ZNF782: variants seen among roughly 807,000 people sequenced by gnomAD.
ZNF782 encodes the protein zinc finger protein 782.
ZNF782 carries 12 observed loss-of-function variants against 13.0 expected under a neutral mutation model. The ratio of observed to expected loss-of-function variants is 0.92; its 90% CI spans 0.59 to 1.50. The LOEUF (loss-of-function observed/expected upper bound fraction) is 1.50. Ranked by LOEUF, ZNF782 falls within the 40% of genes most tolerant of loss-of-function variation. The pLI is 0.00. For missense variants in ZNF782, 770 were observed against 822.9 expected, an observed-to-expected ratio of 0.94 and a Z score of 0.79; for synonymous variants, 284 against 283.0, an observed-to-expected ratio of 1.00 and a Z score of -0.04.
rs986355739 is a variant in ZNF782 at position 96,850,853 on chromosome 9, T to G, written c.15+1094A>C. Among the ~76,000 whole-genome samples the G allele has an allele frequency of 6.6e-6, 1 of 152,190 alleles. No homozygotes were observed. The highest frequency in any genetic ancestry group is 1.5e-5 in the Non-Finnish European group (1 of 68,022). Reference sequence around the variant, plus strand: ...TTGAAAATTTCAAATACGTTTTGTATTAAAATTGAAAAATCTTTCCAGTTT... The same window carrying G: ...TTGAAAATTTCAAATACGTTTTGTAGTAAAATTGAAAAATCTTTCCAGTTT... On this transcript the variant is annotated intron_variant, in intron 3 of 5. Coordinates refer to ENST00000481138, the MANE Select transcript of ZNF782 (RefSeq NM_001001662.3). This position sits in a 1 kb window ranked among gnomAD's most constrained non-coding sequence, Gnocchi z 4.3.
chr9:96,818,112 CTGA>C lies in ZNF782; in HGVS notation c.1908_1910del (p.His636del), dbSNP rs1378009320. On this transcript the variant is annotated inframe_deletion, in exon 6 of 6. Coordinates refer to ENST00000481138, the MANE Select transcript of ZNF782 (RefSeq NM_001001662.3). ...ATGGTTTCTCCCCGGTGTGAGTTCG[CTGA>C]TGTTTTCTTAGGACTGACTTCTCAC... The C allele has an allele frequency of 5.6e-6, 9 of 1,612,702 alleles. No homozygotes were observed. The highest frequency in any genetic ancestry group is 7.6e-6 in the Non-Finnish European group (9 of 1,179,778).
upstream of ZNF782, among the ~76,000 whole-genome samples, chr9:96,854,910 A>AT (rs1564013335): frequency 2.7e-5 from 4 of 147,016 alleles, no homozygotes; most frequent in Admixed American, 6.9e-5. Context: ...ATTTTGTAGA[A>AT]ATTTTTTTTT....
At chr9:96,855,940 A>G (rs2118846863), upstream of ZNF782, among the ~76,000 whole-genome samples, 1 of 152,260 alleles carries the variant, frequency 6.6e-6, no homozygotes, top group South Asian at 2.1e-4. Flanking sequence ...TTTTTTGATT[A>G]TGGCCATTCT....
chr9:96,857,788 G>T (rs1202885333), upstream of ZNF782, among the ~76,000 whole-genome samples: 1 of 152,098 alleles, frequency 6.6e-6, no homozygotes, highest in African/African-American at 2.4e-5. Context: ...ATTTTTAAAG[G>T]TTACATTGTG....
At chr9:96,897,116 G>T in the ZNF782 span, among the ~76,000 whole-genome samples, 1 of 152,230 alleles carries the variant, frequency 6.6e-6, no homozygotes, top group Non-Finnish European at 1.5e-5. Context: ...TGTATCCTCT[G>T]TGTGGAGCCT....
At chr9:96,901,720 A>G in the ZNF782 span, among the ~76,000 whole-genome samples, 2 of 151,698 alleles carry the variant, frequency 1.3e-5, no homozygotes, top group Non-Finnish European at 2.9e-5. Flanking sequence ...TAAAAATACA[A>G]AAATTAGCTG....
the ZNF782 span, chr9:96,903,118 T>A: frequency 6.6e-6 from 1 of 151,244 alleles, no homozygotes; most frequent in South Asian, 2.1e-4. Flanking sequence ...CCTGAAGTTT[T>A]AAAAAACACA....
At chr9:96,908,032 T>C in the ZNF782 span, among the ~76,000 whole-genome samples, 13 of 151,950 alleles carry the variant, frequency 8.6e-5, no homozygotes, top group Non-Finnish European at 1.9e-4. Flanking sequence ...ACTACTAGTA[T>C]TGGAAATATA....
chr9:96,917,594 G>T, the ZNF782 span, among the ~76,000 whole-genome samples: 4 of 151,632 alleles, frequency 2.6e-5, no homozygotes, highest in African/African-American at 9.7e-5. Context: ...ACCACGCCCA[G>T]CTATTTTTTG....
At chr9:96,877,388 C>T (rs1851906680), upstream of ZNF782, among the ~76,000 whole-genome samples, 1 of 152,252 alleles carries the variant, frequency 6.6e-6, no homozygotes, top group South Asian at 2.1e-4. Flanking sequence ...ACCTCTGAAT[C>T]TTGGCGGGGC....
chr9:96,929,868 C>T, the ZNF782 span, among the ~76,000 whole-genome samples: 3 of 151,162 alleles, frequency 2.0e-5, no homozygotes, highest in African/African-American at 4.8e-5. Context: ...CATGAACGGG[C>T]GACAGGTGTG....
chr9:96,905,745 C>T, the ZNF782 span, among the ~76,000 whole-genome samples: 3 of 152,330 alleles, frequency 2.0e-5, no homozygotes, highest in African/African-American at 7.2e-5. Flanking sequence ...GCCACTATGC[C>T]CAGCTAATTT....
At chr9:96,845,156 G>T in intron 3 of ZNF782, 140 bp from the exon 4 acceptor site, 1 of 1,036,676 alleles carries the variant, frequency 9.6e-7, no homozygotes, top group Non-Finnish European at 1.4e-6. Flanking sequence ...CCCTAATTCT[G>T]CCTTACTTTT....
chr9:96,875,726 T>A (rs888240558), upstream of ZNF782: 1 of 394,958 alleles, frequency 2.5e-6, no homozygotes, highest in Non-Finnish European at 5.0e-6. Context: ...GTTCTCACCC[T>A]CTGAATCACA....
At chr9:96,918,373 G>A in the ZNF782 span, among the ~76,000 whole-genome samples, 1 of 145,796 alleles carries the variant, frequency 6.9e-6, no homozygotes, top group South Asian at 2.2e-4. Flanking sequence ...TCATACCACT[G>A]CACTCCAGCT....
At chr9:96,917,525 G>A in the ZNF782 span, among the ~76,000 whole-genome samples, 19 of 151,658 alleles carry the variant, frequency 1.3e-4, no homozygotes, top group African/African-American at 4.3e-4. Context: ...TCTGCCTCCC[G>A]GGTTCAAGTG....
the ZNF782 span, among the ~76,000 whole-genome samples, chr9:96,920,416 A>C: frequency 1.3e-5 from 2 of 149,296 alleles, no homozygotes; most frequent in South Asian, 4.3e-4. Flanking sequence ...ACAGGCGCCC[A>C]CCACCATGCC....
At chr9:96,839,002 C>G (rs941567915) in intron 4 of ZNF782, among the ~76,000 whole-genome samples, 1 of 152,140 alleles carries the variant, frequency 6.6e-6, no homozygotes, top group Non-Finnish European at 1.5e-5. Context: ...TCGTGAGCCA[C>G]AGCGCCTGGC....
rs368267556 is a variant in ZNF782, at chr9:96,819,743, G to C, written c.280C>G (p.Pro94Ala). The C allele has an allele frequency of 8.7e-6, 14 of 1,606,426 alleles. No homozygotes were observed. The highest frequency in any genetic ancestry group is 1.2e-5 in the Non-Finnish European group (14 of 1,177,412). ...SQPDEISEKS[P>A]ENQGKHLLQV... is the part of the protein sequence containing the mutation. ...AACAAATGTTTGCCTTGATTTTCTG[G>C]GCTCTTCTCTGAGATTTCATCAGGT... is the stretch of plus-strand genomic sequence containing the variant. Residue 94 changes from proline to alanine, a missense_variant, in exon 6 of 6, where the codon CCA becomes GCA. Pro to Ala is a conservative substitution (Grantham distance 27, BLOSUM62 -1). Coordinates refer to ENST00000481138, the MANE Select transcript of ZNF782 (RefSeq NM_001001662.3).
Sources: gnomAD v4.1 joint callset for allele counts (sites outside exome capture counted in the v4.1 genomes callset) on GRCh38, gnomAD v4.1.1 for gene constraint, Gnocchi (gnomAD v3.1) non-coding constraint, MANE v1.5 for transcripts, NCBI Gene and HGNC (gene_info 2026-07-23, HGNC 2026-07-21) for gene names.